TERB2: variants seen among roughly 807,000 people sequenced by gnomAD.
The protein encoded by TERB2 is telomere repeat binding bouquet formation protein 2.
A neutral mutation model predicts 29.8 loss-of-function variants in TERB2; 26 were observed. The ratio of observed to expected loss-of-function variants is 0.87; its 90% CI spans 0.64 to 1.21. The LOEUF is 1.21. TERB2 is among the 50% of genes most tolerant of loss of function. The probability of loss-of-function intolerance (pLI) is 0.00; values close to 1 mark genes in which losing one functional copy is unlikely to be tolerated. For missense variants in TERB2, 240 were observed against 268.6 expected, an observed-to-expected ratio of 0.89 and a Z score of 0.74; for synonymous variants, 80 against 90.8, an observed-to-expected ratio of 0.88 and a Z score of 0.68.
intron 3 of TERB2, among the ~76,000 whole-genome samples, chr15:44,960,943 T>C (rs1350634944): frequency 1.3e-5 from 2 of 151,982 alleles, no homozygotes; most frequent in African/African-American, 2.4e-5. Flanking sequence ...TCTATATATG[T>C]GTATCTGTAT....
intron 5 of TERB2, chr15:44,970,632 T>C (rs1891952571): frequency 6.0e-6 from 1 of 165,918 alleles, no homozygotes; most frequent in Non-Finnish European, 1.3e-5. Context: ...AGTAGTTCTA[T>C]TTTGAGATCG....
intron 6 of TERB2, 37 bp from the exon 7 acceptor site, chr15:44,978,452 T>C: frequency 6.5e-7 from 1 of 1,540,126 alleles, no homozygotes; most frequent in Admixed American, 2.0e-5. Flanking sequence ...ATGAGCGGGT[T>C]TTAAGTATAT....
intron 6 of TERB2, among the ~76,000 whole-genome samples, chr15:44,975,333 C>T (rs1404056524): frequency 1.3e-5 from 2 of 151,650 alleles, no homozygotes; most frequent in Non-Finnish European, 2.9e-5. Flanking sequence ...TTATCATGCC[C>T]ATCTGCTTGC....
chr15:44,973,405 T>C (rs889428616), intron 5 of TERB2, among the ~76,000 whole-genome samples: 8 of 152,188 alleles, frequency 5.3e-5, no homozygotes, highest in African/African-American at 7.2e-5. Context: ...CAGGACTCTA[T>C]AGACTCAAAT....
chr15:44,970,051 T>G (rs1162894909), intron 5 of TERB2: 1 of 151,966 alleles, frequency 6.6e-6, no homozygotes, highest in Non-Finnish European at 1.5e-5. Flanking sequence ...AAGGAAATTT[T>G]TATTATGTTG....
intron 4 of TERB2, among the ~76,000 whole-genome samples, chr15:44,964,160 GAGTT>G (rs1891849595): frequency 6.6e-6 from 1 of 152,068 alleles, no homozygotes; most frequent in Non-Finnish European, 1.5e-5. Flanking sequence ...TCACAACAAA[GAGTT>G]AGGGAGAAAA....
In TERB2 at chr15:44,978,626, TAGTAAATTA is replaced by T. The variant is rs1417772263; in HGVS notation, c.663_*8del. ...TATAAAAAACAAATTGAAGAGGAAA[TAGTAAATTA>T]AATTGTAAATACCTTGGCATTTATT... On this transcript the variant is annotated stop_retained_variant and 3_prime_UTR_variant, in exon 7 of 7. Transcript: ENST00000340827. 6.3e-7 allele frequency: 1 copy of T among 1,590,038 alleles called. No individual in the cohort carries two copies. Among genetic ancestry groups the T allele is most frequent in the Non-Finnish European group, 8.5e-7 (1 of 1,170,110 alleles).
At chr15:44,961,630 T>C (rs765973084) in intron 4 of TERB2, 46 bp downstream of exon 4, 1 of 1,343,410 alleles carries the variant, frequency 7.4e-7, no homozygotes, top group South Asian at 1.3e-5. Flanking sequence ...AGCTTCAACA[T>C]TTTCTGAAAG....
chr15:44,958,656 A>G (rs28450856), intron 3 of TERB2, 144 bp downstream of exon 3: 13,703 of 895,860 alleles, frequency 0.015, 140 homozygotes, highest in Admixed American at 0.03. Context: ...TGGAAAAAGC[A>G]TGGACTTTGG....
intron 5 of TERB2, among the ~76,000 whole-genome samples, chr15:44,969,073 A>G (rs1891930567): frequency 6.6e-6 from 1 of 152,036 alleles, no homozygotes; most frequent in South Asian, 2.1e-4. Context: ...CTAGGACCGC[A>G]GATGTGGGCC....
intron 5 of TERB2, among the ~76,000 whole-genome samples, chr15:44,971,833 C>T (rs1891975853): frequency 6.6e-6 from 1 of 151,746 alleles, no homozygotes; most frequent in Non-Finnish European, 1.5e-5. Flanking sequence ...ATCCCCCCCC[C>T]TCCTTTTTTC....
At chr15:44,960,899 C>T (rs1435406630) in intron 3 of TERB2, among the ~76,000 whole-genome samples, 1 of 151,914 alleles carries the variant, frequency 6.6e-6, no homozygotes, top group Non-Finnish European at 1.5e-5. Context: ...GTTTACTAGA[C>T]ATATTGTTAA....
rs1476549732 is a variant in TERB2 at position 44,973,890 on chromosome 15, C to T, written c.458C>T (p.Thr153Ile). ...SKSPEKHFIR[T>I]PVVEKQMYFP... ...AGCCCAGAAAAGCATTTTATAAGAA[C>T]TCCAGTTGTAGAAAAGCAGATGTAC... The change falls in exon 6 of 7, where the codon ACT becomes ATT. Residue 153 changes from threonine (T) to isoleucine (I), a missense_variant. Thr to Ile is a moderately conservative substitution (Grantham distance 89). Coordinates refer to ENST00000340827, the MANE Select transcript of TERB2 (RefSeq NM_152448.3). The T allele has an allele frequency of 1.3e-6, 2 of 1,597,768 alleles. No individual in the cohort carries two copies. Among genetic ancestry groups the T allele is most frequent in the African/African-American group, 1.3e-5 (1 of 74,450 alleles).
At chr15:44,970,463 T>C (rs1265880155) in intron 5 of TERB2, 2 of 199,906 alleles carry the variant, frequency 1.0e-5, no homozygotes, top group Non-Finnish European at 2.1e-5. Flanking sequence ...GTTTTCTTAA[T>C]AGTTCAGCTA....
At position 44,978,816 on chromosome 15, in the gene TERB2, T is replaced by A; in HGVS notation, c.*188T>A. 1 of 688,672 alleles carries A rather than the reference T, an allele frequency of 1.5e-6. No homozygotes were observed. The highest frequency in any genetic ancestry group is 2.0e-6 in the Non-Finnish European group (1 of 491,150). The allele number at this position is 688,672 out of a possible 1,614,324, so 42.7% of individuals were successfully genotyped here. On this transcript the variant is annotated 3_prime_UTR_variant, in exon 7 of 7. Transcript: ENST00000340827. ...TGTGTTTTGACATTTTTCCCCTAGCTTTTAACAACATGTTCAAATATTCTC... is the reference window on the plus strand; with the variant it reads ...TGTGTTTTGACATTTTTCCCCTAGCATTTAACAACATGTTCAAATATTCTC...
intron 5 of TERB2, among the ~76,000 whole-genome samples, chr15:44,967,199 T>C (rs1185512324): frequency 3.3e-5 from 5 of 152,202 alleles, no homozygotes; most frequent in Non-Finnish European, 7.4e-5. Context: ...GGCTTATACA[T>C]GATCTAGTCC....
intron 6 of TERB2, among the ~76,000 whole-genome samples, chr15:44,975,285 T>C (rs938658293): frequency 6.6e-6 from 1 of 152,168 alleles, no homozygotes; most frequent in Non-Finnish European, 1.5e-5. Flanking sequence ...TGTATTTGTT[T>C]TTAATTTTGA....
intron 5 of TERB2, chr15:44,973,566 T>C (rs1158455267): frequency 6.6e-6 from 1 of 152,146 alleles, no homozygotes; most frequent in Non-Finnish European, 1.5e-5. Context: ...ATGTGCTCAC[T>C]TTGACAGCAC....
Position 44,978,960 on chromosome 15 carries a change from C to T in TERB2, c.*332C>T, listed in dbSNP as rs1397618618. On this transcript the variant is annotated 3_prime_UTR_variant, in exon 7 of 7. Transcript: ENST00000340827. ...CTCTTTCTTGCTTTCTCTTTTCCCT[C>T]TCTCTTTCTCTCCTCCCCTTCTCTC... 1 of 159,506 alleles carries T rather than the reference C, an allele frequency of 6.3e-6. No individual in the cohort carries two copies. Among genetic ancestry groups the T allele is most frequent in the African/African-American group, 2.4e-5 (1 of 41,736 alleles). The allele number at this position is 159,506 out of a possible 1,614,324, so 9.9% of individuals were successfully genotyped here.
Sources: allele counts gnomAD v4.1 joint callset (sites outside exome capture counted in the v4.1 genomes callset), GRCh38; gene constraint gnomAD v4.1.1; transcripts MANE v1.5; gene names NCBI Gene and HGNC (gene_info 2026-07-23, HGNC 2026-07-21).